Variants in TMEM132B observed in about 807,000 individuals in gnomAD.
TMEM132B encodes the protein transmembrane protein 132B.
Under a neutral mutation model 90.8 loss-of-function variants are expected in TMEM132B, and 18 were observed. The ratio of observed to expected loss-of-function variants is 0.20; its 90% CI spans 0.14 to 0.29. The LOEUF (loss-of-function observed/expected upper bound fraction) is 0.29. TMEM132B is among the 10% of genes least tolerant of loss of function. The pLI, the probability that TMEM132B is intolerant of heterozygous loss-of-function variation, is 1.00. For missense variants in TMEM132B, 1,096 were observed against 1,326.8 expected, an observed-to-expected ratio of 0.83 and a Z score of 2.70; for synonymous variants, 504 against 523.3, an observed-to-expected ratio of 0.96 and a Z score of 0.50.
In TMEM132B at chr12:125,260,922, T is replaced by TTGCG. The variant is rs1555234600; in HGVS notation, c.67+74058_67+74059insCGTG. ...CAGAGCGAGACCCTGTCTCTACAGA[T>TTGCG]TGTGTGTGTGTGTGTGTGTGTGTGT... On this transcript the variant is annotated intron_variant, in intron 1 of 8. Transcript: ENST00000682704. Among the ~76,000 whole-genome samples the TTGCG allele has an allele frequency of 1.7e-3, 256 of 148,250 alleles. 10 individuals are homozygous for TTGCG. In the South Asian group the frequency reaches 0.042, roughly 25 times the overall value.
chr12:125,571,475 A>G (rs536917692), intron 4 of TMEM132B, among the ~76,000 whole-genome samples: 20 of 152,356 alleles, frequency 1.3e-4, no homozygotes, highest in Admixed American at 1.1e-3. Flanking sequence ...ATTAACAAAT[A>G]ATGCATGTAA....
chr12:125,595,335 C>T (rs1046202484), intron 5 of TMEM132B, among the ~76,000 whole-genome samples: 1 of 152,110 alleles, frequency 6.6e-6, no homozygotes, highest in African/African-American at 2.4e-5. Flanking sequence ...CAATTAATGT[C>T]GCTGCTCATG....
At chr12:125,282,418 G>T (rs1327333017) in intron 1 of TMEM132B, among the ~76,000 whole-genome samples, 1 of 152,124 alleles carries the variant, frequency 6.6e-6, no homozygotes, top group African/African-American at 2.4e-5. Flanking sequence ...ACCCACCCCT[G>T]CCCTAACCAT....
At chr12:125,491,248 A>G (rs1882343160) in intron 3 of TMEM132B, among the ~76,000 whole-genome samples, 1 of 151,602 alleles carries the variant, frequency 6.6e-6, no homozygotes, top group South Asian at 2.1e-4. Context: ...ATATTTTTAA[A>G]TTATTATTTT....
intron 4 of TMEM132B, among the ~76,000 whole-genome samples, chr12:125,532,099 A>T (rs1883661323): frequency 6.6e-6 from 1 of 152,258 alleles, no homozygotes; most frequent in African/African-American, 2.4e-5. Context: ...GAGTCAGCTC[A>T]GTGGAAAGGA....
Position 125,362,623 on chromosome 12 carries a change from G to A in TMEM132B, c.959+12280G>A, listed in dbSNP as rs571126802. ...ACATAGCAATGTCCCATTTCTCCCTGCCCCTTGGCTCCTGGTAGCCACCAT... is the reference window on the plus strand; with the variant it reads ...ACATAGCAATGTCCCATTTCTCCCTACCCCTTGGCTCCTGGTAGCCACCAT... On this transcript the variant is annotated intron_variant, in intron 2 of 8. Coordinates refer to ENST00000682704, the MANE Select transcript of TMEM132B (RefSeq NM_001366854.1). Among the ~76,000 whole-genome samples the A allele has an allele frequency of 9.9e-5, 15 of 152,220 alleles. No individual in the cohort carries two copies. In the South Asian group the frequency reaches 2.5e-3, roughly 25 times the overall value.
intron 1 of TMEM132B, among the ~76,000 whole-genome samples, chr12:125,295,374 T>A (rs1875641069): frequency 6.6e-6 from 1 of 152,122 alleles, no homozygotes; most frequent in Non-Finnish European, 1.5e-5. Flanking sequence ...TCCAGCCTGT[T>A]GGGGCAGGAG....
chr12:125,523,843 ACT>A (rs1883374899), intron 4 of TMEM132B, among the ~76,000 whole-genome samples: 1 of 151,944 alleles, frequency 6.6e-6, no homozygotes, highest in Non-Finnish European at 1.5e-5. Flanking sequence ...TAGGGATACT[ACT>A]CTCTCCTCAT....
intron 1 of TMEM132B, among the ~76,000 whole-genome samples, chr12:125,311,341 T>C (rs1876118469): frequency 6.6e-6 from 1 of 152,228 alleles, no homozygotes; most frequent in Non-Finnish European, 1.5e-5. Context: ...TCAAAGTTAA[T>C]TGGGATTTCA....
At chr12:125,343,053 A>G (rs1310922245) in intron 1 of TMEM132B, among the ~76,000 whole-genome samples, 1 of 152,144 alleles carries the variant, frequency 6.6e-6, no homozygotes, top group Non-Finnish European at 1.5e-5. Flanking sequence ...TCTCCAGGGT[A>G]CAATAAAGGG....
At chr12:125,305,116 ACACTTCTGAAGCCTTACAAATAT>A (rs1396176962) in intron 1 of TMEM132B, among the ~76,000 whole-genome samples, 1 of 152,004 alleles carries the variant, frequency 6.6e-6, no homozygotes, top group East Asian at 1.9e-4. Flanking sequence ...ATATGTTGGT[ACACTTCTGAAGCCTTACAAATAT>A]CAGTTGCCTT....
intron 3 of TMEM132B, among the ~76,000 whole-genome samples, chr12:125,442,116 A>G (rs7309945): frequency 6.6e-6 from 1 of 152,248 alleles, no homozygotes; most frequent in African/African-American, 2.4e-5. Flanking sequence ...AAACACAGCA[A>G]CAGCTTTGCC....
chr12:125,340,377 C>T (rs1337987076), intron 1 of TMEM132B, among the ~76,000 whole-genome samples: 1 of 152,110 alleles, frequency 6.6e-6, no homozygotes, highest in Non-Finnish European at 1.5e-5. Flanking sequence ...TCACATTATA[C>T]ACCAGCAGAG....
At chr12:125,255,400 G>C (rs1314204388) in intron 1 of TMEM132B, among the ~76,000 whole-genome samples, 1 of 152,210 alleles carries the variant, frequency 6.6e-6, no homozygotes, top group Non-Finnish European at 1.5e-5. Flanking sequence ...TGGCTGTGCT[G>C]TAGGCTTTAG....
rs1886952668 is a variant in TMEM132B, at chr12:125,652,518, G to A, written c.1992G>A (p.Glu664=). The A allele has an allele frequency of 6.2e-7, 1 of 1,613,818 alleles. No individual in the cohort carries two copies. The highest frequency in any genetic ancestry group is 1.3e-5 in the African/African-American group (1 of 75,046). The change falls in exon 8 of 9, where the codon GAG becomes GAA. Residue 664 remains glutamate, a synonymous_variant. Transcript: ENST00000682704. ...TGGATGACCGAGTCACCATCGCGGA[G>A]CTGGGAGTGCAGCTCGTAGCTGGCA... The part of the protein sequence containing the change: ...IVLDDRVTIA[E]LGVQLVAGMS...
chr12:125,202,507 C>T (rs892401719), intron 1 of TMEM132B, among the ~76,000 whole-genome samples: 1 of 152,194 alleles, frequency 6.6e-6, no homozygotes, highest in Non-Finnish European at 1.5e-5. Flanking sequence ...GGTAGGATTC[C>T]GTTTTTGTGG....
chr12:125,529,517 C>T (rs183638698), intron 4 of TMEM132B, among the ~76,000 whole-genome samples: 1 of 152,324 alleles, frequency 6.6e-6, no homozygotes, highest in Non-Finnish European at 1.5e-5. Context: ...GAGAGCCTTT[C>T]TCTGCCTTCC....
chr12:125,272,826 A>G (rs1874875319), intron 1 of TMEM132B, among the ~76,000 whole-genome samples: 1 of 152,190 alleles, frequency 6.6e-6, no homozygotes, highest in African/African-American at 2.4e-5. Flanking sequence ...CCTGCTACAG[A>G]TGTTGGCACT....
intron 1 of TMEM132B, among the ~76,000 whole-genome samples, chr12:125,215,097 C>G (rs1443133467): frequency 6.6e-6 from 1 of 152,226 alleles, no homozygotes; most frequent in Non-Finnish European, 1.5e-5. Flanking sequence ...CCTACCCTGC[C>G]ACTCCCCTGA....
Sources: allele counts gnomAD v4.1 joint callset (sites outside exome capture counted in the v4.1 genomes callset), GRCh38; gene constraint gnomAD v4.1.1; transcripts MANE v1.5; gene names NCBI Gene and HGNC (gene_info 2026-07-23, HGNC 2026-07-21).